Variants in TCF7L1 observed in about 807,000 individuals in gnomAD.
TCF7L1 encodes transcription factor 7-like 1.
A neutral mutation model predicts 63.7 loss-of-function variants in TCF7L1; 18 were observed. The ratio of observed to expected loss-of-function variants is 0.28; its 90% confidence interval spans 0.20 to 0.42. The LOEUF is 0.42. Ranked by LOEUF, TCF7L1 falls within the 10% of genes least tolerant of loss-of-function variation. The pLI is 1.00. For synonymous variants in TCF7L1, 355 were observed against 340.9 expected, an observed-to-expected ratio of 1.04 and a Z score of -0.46; for missense variants, 654 against 779.3, an observed-to-expected ratio of 0.84 and a Z score of 1.91.
At chr2:85,294,231 T>C (rs1415823208) in intron 4 of TCF7L1, among the ~76,000 whole-genome samples, 1 of 151,370 alleles carries the variant, frequency 6.6e-6, no homozygotes, top group Non-Finnish European at 1.5e-5. Flanking sequence ...AAAGACGGGG[T>C]TTCACCATGT....
At position 85,148,089 on chromosome 2, in the gene TCF7L1, A is replaced by C. The variant is rs148292682; in HGVS notation, c.441+13639A>C. Among the ~76,000 whole-genome samples the C allele has an allele frequency of 7.2e-5, 11 of 152,260 alleles. No homozygotes were observed. The East Asian group carries it at 2.1e-3, about 29-fold the overall frequency. On this transcript the variant is annotated intron_variant, in intron 3 of 11. Coordinates refer to ENST00000282111, the MANE Select transcript of TCF7L1 (RefSeq NM_031283.3). Reference sequence around the variant, plus strand: ...ACTTTGCTTTCTACTTTACAACATAAGCTTTTTTTGTTATAAAATCCTTGT... The same window carrying C: ...ACTTTGCTTTCTACTTTACAACATACGCTTTTTTTGTTATAAAATCCTTGT...
chr2:85,147,979 T>C (rs907323969), intron 3 of TCF7L1, among the ~76,000 whole-genome samples: 6 of 152,196 alleles, frequency 3.9e-5, no homozygotes, highest in African/African-American at 1.2e-4. Context: ...TGACTTAAAC[T>C]ATGTTCTGGG....
intron 3 of TCF7L1, among the ~76,000 whole-genome samples, chr2:85,153,388 C>G (rs935722282): frequency 9.0e-5 from 12 of 133,410 alleles, no homozygotes; most frequent in African/African-American, 3.8e-4. Context: ...GTCACCCAGG[C>G]TGGAGTACAG....
At position 85,147,222 on chromosome 2, in the gene TCF7L1, C is replaced by A. The variant is rs145801400; in HGVS notation, c.441+12772C>A. ...TGGAAACCCTGCAGTCTGCCTAGGC[C>A]GTGTCCTCCACCTCAGGCCAAGGTT... On this transcript the variant is annotated intron_variant, in intron 3 of 11. Transcript: ENST00000282111. 3.3e-4 allele frequency among the ~76,000 whole-genome samples: 50 copies of A among 152,290 alleles called. No individual in the cohort carries two copies. In the Middle Eastern group the frequency reaches 0.01, roughly 31 times the overall value.
At chr2:85,231,534 T>G (rs56356236) in intron 3 of TCF7L1, among the ~76,000 whole-genome samples, 4,493 of 152,304 alleles carry the variant, frequency 0.03, 89 homozygotes, top group Middle Eastern at 0.044. Flanking sequence ...AACATCATTT[T>G]GAATGTCCTC....
At position 85,309,732 on chromosome 2, in the gene TCF7L1, G is replaced by T. The variant is rs1300640718; in HGVS notation, c.*270G>T. On this transcript the variant is annotated 3_prime_UTR_variant, in exon 12 of 12. Coordinates refer to ENST00000282111, the MANE Select transcript of TCF7L1 (RefSeq NM_031283.3). ...CTATTCGTCCTGTAGGTGCTGTGGTGGATGGACCTGGGCAGAGGGCACTTC... is the reference window on the plus strand; with the variant it reads ...CTATTCGTCCTGTAGGTGCTGTGGTTGATGGACCTGGGCAGAGGGCACTTC... The T allele has an allele frequency of 2.6e-6, 1 of 384,868 alleles. No homozygotes were observed. Among genetic ancestry groups the T allele is most frequent in the Non-Finnish European group, 4.6e-6 (1 of 216,020 alleles). 23.8% of individuals were successfully genotyped at this position (384,868 alleles called of 1,614,324 possible). A position where few individuals can be genotyped will look rare whatever the true frequency, so the allele number is the denominator to read the frequency against.
intron 3 of TCF7L1, among the ~76,000 whole-genome samples, chr2:85,141,947 T>C (rs1224980412): frequency 6.6e-6 from 1 of 152,150 alleles, no homozygotes; most frequent in Non-Finnish European, 1.5e-5. Context: ...TTGTTGGCAG[T>C]AGGGAGACTG....
chr2:85,228,453 C>G (rs1680004120), intron 3 of TCF7L1, among the ~76,000 whole-genome samples: 1 of 151,998 alleles, frequency 6.6e-6, no homozygotes, highest in African/African-American at 2.4e-5. Flanking sequence ...GGGTTCCAGC[C>G]TTAGAGGGAC....
At chr2:85,211,414 C>A (rs866728134) in intron 3 of TCF7L1, among the ~76,000 whole-genome samples, 1 of 152,202 alleles carries the variant, frequency 6.6e-6, no homozygotes. Context: ...GTATTACCAA[C>A]CTCAACAGGT....
At chr2:85,258,353 G>T (rs1013277025) in intron 3 of TCF7L1, among the ~76,000 whole-genome samples, 1 of 152,152 alleles carries the variant, frequency 6.6e-6, no homozygotes, top group Non-Finnish European at 1.5e-5. Context: ...TGAGGCTTGA[G>T]AGCCTGCCTG....
chr2:85,159,094 G>GC (rs1678221646), intron 3 of TCF7L1, among the ~76,000 whole-genome samples: 1 of 152,188 alleles, frequency 6.6e-6, no homozygotes. Flanking sequence ...GTGCGGTTCA[G>GC]CCTTCGATCA....
chr2:85,149,483 G>A (rs1677960222), intron 3 of TCF7L1, among the ~76,000 whole-genome samples: 1 of 151,920 alleles, frequency 6.6e-6, no homozygotes, highest in Admixed American at 6.6e-5. Flanking sequence ...TACAAAAATA[G>A]CACAAATAAT....
chr2:85,283,105 T>C (rs1337048601), intron 3 of TCF7L1, among the ~76,000 whole-genome samples: 1 of 152,032 alleles, frequency 6.6e-6, no homozygotes, highest in East Asian at 1.9e-4. Context: ...GATGGCCATC[T>C]GGGAGCCTCT....
chr2:85,148,161 G>T (rs1198403364), intron 3 of TCF7L1, among the ~76,000 whole-genome samples: 1 of 152,136 alleles, frequency 6.6e-6, no homozygotes, highest in Non-Finnish European at 1.5e-5. Flanking sequence ...TGGAAAATGG[G>T]TCATCTTCAC....
At chr2:85,138,513 A>G (rs988165245) in intron 3 of TCF7L1, among the ~76,000 whole-genome samples, 1 of 151,644 alleles carries the variant, frequency 6.6e-6, no homozygotes, top group South Asian at 2.1e-4. Flanking sequence ...TTTTTTTTCT[A>G]AATATAACTC....
chr2:85,237,142 G>C (rs1049830094), intron 3 of TCF7L1, among the ~76,000 whole-genome samples: 1 of 152,208 alleles, frequency 6.6e-6, no homozygotes, highest in African/African-American at 2.4e-5. Flanking sequence ...TCTTAGGACT[G>C]GAGAGGCCCA....
chr2:85,276,135 CT>C (rs1424986892), intron 3 of TCF7L1, among the ~76,000 whole-genome samples: 1 of 152,212 alleles, frequency 6.6e-6, no homozygotes, highest in African/African-American at 2.4e-5. Context: ...GTTCTTTACA[CT>C]TTCGTTTTCT....
chr2:85,256,908 G>C (rs1028394286), intron 3 of TCF7L1, among the ~76,000 whole-genome samples: 23 of 152,024 alleles, frequency 1.5e-4, no homozygotes, highest in African/African-American at 5.6e-4. Context: ...ACTTGAACCT[G>C]GGAAGCAGAG....
rs111690825 is a variant in TCF7L1, at chr2:85,194,260, G to C, written c.441+59810G>C. Among the ~76,000 whole-genome samples the C allele has an allele frequency of 4.8e-3, 728 of 152,282 alleles. 6 individuals carry two copies. The highest frequency in any genetic ancestry group is 0.016 in the African/African-American group (677 of 41,552). ...GGAATTACAGAATTCAGGAGTGGTG[G>C]CTCACACCTGTAATCCCAGCACTTT... On this transcript the variant is annotated intron_variant, in intron 3 of 11. Coordinates refer to ENST00000282111, the MANE Select transcript of TCF7L1 (RefSeq NM_031283.3).
Sources: gnomAD v4.1 joint callset for allele counts (sites outside exome capture counted in the v4.1 genomes callset) on GRCh38, gnomAD v4.1.1 for gene constraint, MANE v1.5 for transcripts, NCBI Gene and HGNC (gene_info 2026-07-23, HGNC 2026-07-21) for gene names.